IL36B: variants seen among roughly 807,000 people sequenced by gnomAD.
IL36B encodes interleukin-36 beta.
IL36B carries 23 observed loss-of-function variants against 19.3 expected under a neutral mutation model. That is an observed-to-expected ratio of 1.19 (90% CI 0.86 to 1.69). The LOEUF is 1.69. Ranked by LOEUF, IL36B falls within the 40% of genes most tolerant of loss-of-function variation. The probability of loss-of-function intolerance (pLI) is 0.00; values close to 1 mark genes in which losing one functional copy is unlikely to be tolerated. For synonymous variants in IL36B, 59 were observed against 59.7 expected (o/e 0.99, Z 0.05); for missense variants, 217 against 200.5 (o/e 1.08, Z -0.50).
intron 1 of IL36B, among the ~76,000 whole-genome samples, chr2:113,036,315 C>T (rs956276758): frequency 4.7e-5 from 7 of 150,420 alleles, no homozygotes; most frequent in South Asian, 2.1e-4. Flanking sequence ...TAATTAGTCA[C>T]GTTCCATGCC....
At chr2:113,045,313 T>C (rs990379546) in intron 1 of IL36B, among the ~76,000 whole-genome samples, 2 of 152,188 alleles carry the variant, frequency 1.3e-5, no homozygotes, top group African/African-American at 4.8e-5. Flanking sequence ...TCACTTGTAT[T>C]GATTCTGACA....
intron 5 of IL36B, among the ~76,000 whole-genome samples, chr2:113,022,947 T>C (rs935110594): frequency 1.3e-5 from 2 of 152,166 alleles, no homozygotes; most frequent in African/African-American, 4.8e-5. Flanking sequence ...AGTGATGGAT[T>C]ATTACAGTGA....
chr2:113,026,841 T>C (rs1420336433), intron 4 of IL36B, among the ~76,000 whole-genome samples: 1 of 152,162 alleles, frequency 6.6e-6, no homozygotes, highest in Non-Finnish European at 1.5e-5. Flanking sequence ...TTAAAGCCAA[T>C]ATAAATGATT....
intron 4 of IL36B, among the ~76,000 whole-genome samples, 192 bp downstream of exon 4, chr2:113,028,747 C>T (rs989387006): frequency 6.6e-6 from 1 of 152,168 alleles, no homozygotes; most frequent in Non-Finnish European, 1.5e-5. Flanking sequence ...GATCTATGCT[C>T]TGACATTAAA....
chr2:113,029,024 C>G lies in IL36B; in HGVS notation c.176G>C (p.Gly59Ala). ...CTTGATTCCCAGGTAAACCATATTA[C>G]CCTTTTCCTTGTCACTGAATTCTGT... The change falls in exon 4 of 6, where the codon GGT becomes GCT. Residue 59 changes from glycine (G) to alanine (A), a missense_variant. By Grantham distance (60) the Gly-to-Ala change is moderately conservative (BLOSUM62 0). Coordinates refer to ENST00000259213, the MANE Select transcript of IL36B (RefSeq NM_014438.5). 1 of 1,613,828 alleles carries G rather than the reference C, an allele frequency of 6.2e-7. No homozygotes were observed. Among genetic ancestry groups the G allele is most frequent in the Non-Finnish European group, 8.5e-7 (1 of 1,179,756 alleles).
chr2:113,031,159 C>A lies in IL36B; in HGVS notation c.14-4G>T, dbSNP rs1192116592. ...TAGGATTTGGGTGCTGCCTCCCCTG[C>A]CAGATGACAAAAATGCACAAAATAC... On this transcript the variant is annotated splice_region_variant and splice_polypyrimidine_tract_variant and intron_variant, in intron 2 of 5. Coordinates refer to ENST00000259213, the MANE Select transcript of IL36B (RefSeq NM_014438.5). 1.2e-6 allele frequency: 2 copies of A among 1,607,322 alleles called. No homozygotes were observed.
chr2:113,041,219 C>T (rs1420975374), intron 1 of IL36B, among the ~76,000 whole-genome samples: 2 of 150,670 alleles, frequency 1.3e-5, no homozygotes, highest in Non-Finnish European at 2.9e-5. Flanking sequence ...AAAGATGATC[C>T]AAGAAATCAC....
At chr2:113,033,746 G>T (rs1685119796) in intron 1 of IL36B, among the ~76,000 whole-genome samples, 1 of 152,196 alleles carries the variant, frequency 6.6e-6, no homozygotes, top group Non-Finnish European at 1.5e-5. Flanking sequence ...ACACAGTCTT[G>T]CATTCAGTTG....
chr2:113,048,491 A>G (rs2105058353), intron 1 of IL36B, among the ~76,000 whole-genome samples: 1 of 152,326 alleles, frequency 6.6e-6, no homozygotes, highest in South Asian at 2.1e-4. Context: ...TTTGTGGGAT[A>G]CAACTAAATC....
At chr2:113,051,504 G>T (rs970130699) in intron 1 of IL36B, among the ~76,000 whole-genome samples, 4 of 152,196 alleles carry the variant, frequency 2.6e-5, no homozygotes, top group African/African-American at 9.6e-5. Flanking sequence ...CCCGGCCTGT[G>T]CACCTGGCCC....
chr2:113,039,691 T>C (rs969666784), intron 1 of IL36B, among the ~76,000 whole-genome samples: 2 of 152,192 alleles, frequency 1.3e-5, no homozygotes, highest in Non-Finnish European at 2.9e-5. Flanking sequence ...AATTAAAGCA[T>C]GGTAGGAATA....
At chr2:113,034,349 G>A (rs1338343396) in intron 1 of IL36B, among the ~76,000 whole-genome samples, 3 of 152,132 alleles carry the variant, frequency 2.0e-5, no homozygotes, top group Admixed American at 2.0e-4. Flanking sequence ...ATGCAAAAAA[G>A]CCAACTTCTC....
At chr2:113,039,544 T>C (rs920340731) in intron 1 of IL36B, among the ~76,000 whole-genome samples, 2 of 151,894 alleles carry the variant, frequency 1.3e-5, no homozygotes, top group South Asian at 2.1e-4. Flanking sequence ...TAATGGAGAG[T>C]ATATAACTTC....
At chr2:113,045,806 T>C (rs1437079001) in intron 1 of IL36B, among the ~76,000 whole-genome samples, 1 of 152,234 alleles carries the variant, frequency 6.6e-6, no homozygotes, top group African/African-American at 2.4e-5. Flanking sequence ...GAGTTTGACT[T>C]GAGTCTGTTT....
intron 5 of IL36B, among the ~76,000 whole-genome samples, chr2:113,024,945 G>C (rs1287673567): frequency 6.6e-6 from 1 of 152,158 alleles, no homozygotes; most frequent in Non-Finnish European, 1.5e-5. Flanking sequence ...GCTTAGTCAT[G>C]ACCTTGTCAG....
chr2:113,038,922 A>G (rs1685201296), intron 1 of IL36B, among the ~76,000 whole-genome samples: 1 of 152,218 alleles, frequency 6.6e-6, no homozygotes, highest in Non-Finnish European at 1.5e-5. Flanking sequence ...GATGGGTTCT[A>G]CAGTGAGTGA....
chr2:113,049,505 T>C (rs1685405871), intron 1 of IL36B, among the ~76,000 whole-genome samples: 1 of 152,180 alleles, frequency 6.6e-6, no homozygotes, highest in Non-Finnish European at 1.5e-5. Flanking sequence ...CTCCAAATAA[T>C]ATATACTAAT....
intron 3 of IL36B, 129 bp from the exon 4 acceptor site, chr2:113,029,207 T>A: frequency 1.2e-6 from 1 of 858,414 alleles, no homozygotes; most frequent in Non-Finnish European, 1.7e-6. Flanking sequence ...TCCATCACCC[T>A]CCTCAAACCT....
rs111779174 is a variant in IL36B, at chr2:113,034,081, A to G, written c.-57-2315T>C. Among the ~76,000 whole-genome samples the G allele has an allele frequency of 3.7e-3, 558 of 152,268 alleles. 4 individuals are homozygous for G. The highest frequency in any genetic ancestry group is 0.013 in the African/African-American group (527 of 41,556). ...AAATAAAGTCGTATGACTCTCTTGC[A>G]CAGAACCCTCTAATAGCTTTGCTTT... On this transcript the variant is annotated intron_variant, in intron 1 of 5. Transcript: ENST00000259213.
Sources: allele counts gnomAD v4.1 joint callset (sites outside exome capture counted in the v4.1 genomes callset), GRCh38; gene constraint gnomAD v4.1.1; transcripts MANE v1.5; gene names NCBI Gene and HGNC (gene_info 2026-07-23, HGNC 2026-07-21).